XAB2: variants seen among roughly 807,000 people sequenced by gnomAD.
The protein encoded by XAB2 is XPA binding protein 2, also known as pre-mRNA-splicing factor SYF1.
XAB2 carries 57 observed loss-of-function variants against 113.4 expected under a neutral mutation model. That is an observed-to-expected ratio of 0.50 (90% CI 0.41 to 0.63). The LOEUF is 0.63. Ranked by LOEUF, XAB2 falls within the 20% of genes least tolerant of loss-of-function variation. XAB2 has a pLI of 0.00. For missense variants in XAB2, 1,037 were observed against 1,233.3 expected (o/e 0.84, Z 2.38); for synonymous variants, 497 against 498.8 (o/e 1.00, Z 0.05).
chr19:7,623,381 G>T lies in XAB2; in HGVS notation c.1120-92C>A. Reference sequence around the variant, plus strand: ...GTGGCTCTGAGGGGTGGGGCCTGGAGGGTGCTGTGGCCCCTGTCGGGAGAG... The same window carrying T: ...GTGGCTCTGAGGGGTGGGGCCTGGATGGTGCTGTGGCCCCTGTCGGGAGAG... On this transcript the variant is annotated intron_variant, in intron 8 of 18. Coordinates refer to ENST00000358368, the MANE Select transcript of XAB2 (RefSeq NM_020196.3). The surrounding 1 kb of genome is among the most constrained non-coding windows in gnomAD (Gnocchi z 4.6). 1 of 1,533,888 alleles carries T rather than the reference G, an allele frequency of 6.5e-7. No homozygotes were observed. Among genetic ancestry groups the T allele is most frequent in the Non-Finnish European group, 8.8e-7 (1 of 1,130,422 alleles).
rs767519811 is a variant in XAB2 at position 7,620,706 on chromosome 19, G to A, written c.1972-37C>T. The A allele has an allele frequency of 1.1e-5, 17 of 1,607,192 alleles. No homozygotes were observed. In the East Asian group the frequency reaches 1.1e-4, roughly 11 times the overall value. On this transcript the variant is annotated intron_variant, in intron 14 of 18. Coordinates refer to ENST00000358368, the MANE Select transcript of XAB2 (RefSeq NM_020196.3). ...GGTTGGGGAGGCCGGGAGTGAGGCC[G>A]GGGTAGCTCGGGGGCTCCCAACACA...
intron 9 of XAB2, 93 bp from the exon 10 acceptor site, chr19:7,622,986 A>G: frequency 6.4e-7 from 1 of 1,557,664 alleles, no homozygotes; most frequent in Non-Finnish European, 8.7e-7. Flanking sequence ...TCACAAACAT[A>G]CAGGCACAAA....
chr19:7,625,355 A>G lies in XAB2; in HGVS notation c.822+525T>C, dbSNP rs114194109. On this transcript the variant is annotated intron_variant, in intron 6 of 18. Transcript: ENST00000358368. This position sits in a 1 kb window ranked among gnomAD's most constrained non-coding sequence, Gnocchi z 5.2. ...CCAAGGCCGCAGAGCCAGAGGGTGA[A>G]CCCTGAACGCAAATGTGGCTGACTC... 9.5e-4 allele frequency among the ~76,000 whole-genome samples: 144 copies of G among 152,192 alleles called. No homozygotes were observed. The highest frequency in any genetic ancestry group is 3.3e-3 in the African/African-American group (136 of 41,518).
At chr19:7,626,592 C>G (rs973674729) in intron 4 of XAB2, among the ~76,000 whole-genome samples, 2 of 152,080 alleles carry the variant, frequency 1.3e-5, no homozygotes, top group Non-Finnish European at 1.5e-5. Context: ...GGTCCAGTCT[C>G]AGCCCCAATG....
Position 7,622,852 on chromosome 19 carries a change from C to G in XAB2, c.1281G>C (p.Lys427Asn), listed in dbSNP as rs747980944. 1 of 1,613,962 alleles carries G rather than the reference C, an allele frequency of 6.2e-7. No individual in the cohort carries two copies. The highest frequency in any genetic ancestry group is 8.5e-7 in the Non-Finnish European group (1 of 1,179,970). ...ILEKATKVNF[K>N]QVDDLASVWC... ...ACACGCTTGCCAGGTCATCCACCTG[C>G]TTGAAGTTCACCTTGGTGGCCTTCT... The change falls in exon 10 of 19, where the codon AAG becomes AAC. Residue 427 changes from lysine to asparagine, a missense_variant. By Grantham distance (94) the Lys-to-Asn change is moderately conservative (BLOSUM62 0). Transcript: ENST00000358368.
intron 12 of XAB2, chr19:7,621,605 G>C: frequency 2.3e-6 from 1 of 427,174 alleles, no homozygotes; most frequent in African/African-American, 2.0e-5. Context: ...TGTCCCCAGG[G>C]AGAAGGCCGC....
chr19:7,623,279 G>A lies in XAB2; in HGVS notation c.1130C>T (p.Thr377Ile). The stretch of plus-strand genomic sequence containing the variant: ...CACCGTCTGCACAGCCTCTGTGTAG[G>A]TGTTGATGATCTGGGGACAGGAGGG... ...HQGRPREIIN[T>I]YTEAVQTVDP... Residue 377 changes from threonine (T) to isoleucine (I), a missense_variant, in exon 9 of 19, where the codon ACC (threonine) becomes ATC (isoleucine). Transcript: ENST00000358368. This position sits in a 1 kb window ranked among gnomAD's most constrained non-coding sequence, Gnocchi z 4.6. The A allele has an allele frequency of 6.2e-7, 1 of 1,613,586 alleles. No homozygotes were observed.
rs867220821 is a variant in XAB2, at chr19:7,625,455, T to C, written c.822+425A>G. ...TAGTAATCGTGTGCAGGGATATGCA[T>C]GTCTGTCAAAAATGGCACTTTTTTT... On this transcript the variant is annotated intron_variant, in intron 6 of 18. Transcript: ENST00000358368. This position sits in a 1 kb window ranked among gnomAD's most constrained non-coding sequence, Gnocchi z 5.2. 6.0e-5 allele frequency among the ~76,000 whole-genome samples: 9 copies of C among 150,064 alleles called. No homozygotes were observed. The highest frequency in any genetic ancestry group is 1.3e-4 in the Non-Finnish European group (9 of 67,832).
In XAB2 at chr19:7,627,633, T is replaced by A; in HGVS notation, c.324+95A>T. On this transcript the variant is annotated intron_variant, in intron 3 of 18. Transcript: ENST00000358368. This position sits in a 1 kb window ranked among gnomAD's most constrained non-coding sequence, Gnocchi z 4.5. ...GAAGCAACAGGAATCCAAGCCCCCA[T>A]CCCTAACATGCTGAGCCCAGCCCCT... The A allele has an allele frequency of 7.0e-6, 11 of 1,568,566 alleles. No individual in the cohort carries two copies. The highest frequency in any genetic ancestry group is 1.2e-5 in the South Asian group (1 of 85,702).
At chr19:7,626,077 A>C (rs778247826) in intron 5 of XAB2, 33 bp from the exon 6 acceptor site, 1 of 1,610,032 alleles carries the variant, frequency 6.2e-7, no homozygotes, top group South Asian at 1.1e-5. Flanking sequence ...GGAGAGTCTC[A>C]GGCTCAGTCA....
rs751413778 is a variant in XAB2 at position 7,619,712 on chromosome 19, T to A, written c.2506+35A>T. On this transcript the variant is annotated intron_variant, in intron 18 of 18. Coordinates refer to ENST00000358368, the MANE Select transcript of XAB2 (RefSeq NM_020196.3). ...GCCTGTCCCCCGAGGCCCACCCTGG[T>A]AATGCCACCGTCCCCGCCCCAGCCG... 2.1e-5 allele frequency: 34 copies of A among 1,611,142 alleles called. No homozygotes were observed. In the East Asian group the frequency reaches 7.6e-4, roughly 36 times the overall value.
Position 7,628,400 on chromosome 19 carries a change from C to G in XAB2, c.52-102G>C, listed in dbSNP as rs1201011884. 1.4e-6 allele frequency: 2 copies of G among 1,434,300 alleles called. No homozygotes were observed. Among genetic ancestry groups the G allele is most frequent in the East Asian group, 2.4e-5 (1 of 42,256 alleles). The allele number at this position is 1,434,300 out of a possible 1,614,324, so 88.8% of individuals were successfully genotyped here. A position where few individuals can be genotyped will look rare whatever the true frequency, so the allele number is the denominator to read the frequency against. ...TCAGGTCCAAACTCCGGACTTTTAC[C>G]TAGATCCCACCACCCACCAAGGAAG... On this transcript the variant is annotated intron_variant, in intron 1 of 18. Transcript: ENST00000358368. This position sits in a 1 kb window ranked among gnomAD's most constrained non-coding sequence, Gnocchi z 4.6.
In XAB2 at chr19:7,625,099, C is replaced by T. The variant is rs1237133168; in HGVS notation, c.823-654G>A. Among the ~76,000 whole-genome samples the T allele has an allele frequency of 6.6e-6, 1 of 152,248 alleles. No individual in the cohort carries two copies. Among genetic ancestry groups the T allele is most frequent in the African/African-American group, 2.4e-5 (1 of 41,462 alleles). On this transcript the variant is annotated intron_variant, in intron 6 of 18. Coordinates refer to ENST00000358368, the MANE Select transcript of XAB2 (RefSeq NM_020196.3). The surrounding 1 kb of genome is among the most constrained non-coding windows in gnomAD (Gnocchi z 5.2). Reference sequence around the variant, plus strand: ...CTCCCAACCTATCTTCCCTGGGTTCCTGAGCCTCCCCGCTCTCGGCTCTGG... The same window carrying T: ...CTCCCAACCTATCTTCCCTGGGTTCTTGAGCCTCCCCGCTCTCGGCTCTGG...
intron 10 of XAB2, 44 bp downstream of exon 10, chr19:7,622,718 C>A (rs2146185566): frequency 6.2e-7 from 1 of 1,612,984 alleles, no homozygotes; most frequent in Non-Finnish European, 8.5e-7. Flanking sequence ...GGCCCTTGCC[C>A]TACAACCTGC....
At position 7,620,007 on chromosome 19, in the gene XAB2, G is replaced by C. The variant is rs760291429; in HGVS notation, c.2335C>G (p.Leu779Val). 6.2e-7 allele frequency: 1 copy of C among 1,612,508 alleles called. No individual in the cohort carries two copies. Among genetic ancestry groups the C allele is most frequent in the Non-Finnish European group, 8.5e-7 (1 of 1,179,984 alleles). The change falls in exon 17 of 19, where the codon CTG becomes GTG. Residue 779 changes from leucine (L) to valine (V), a missense_variant. By Grantham distance (32) the Leu-to-Val change is conservative. Coordinates refer to ENST00000358368, the MANE Select transcript of XAB2 (RefSeq NM_020196.3). ...TGGTCACGCTCCGCCTCAGCCGCCA[G>C]CTGCTCTGCCCGCTGTTCCAGCAGC... ...MKLLEQRAEQ[L>V]AAEAERDQPL...
chr19:7,625,405 G>A lies in XAB2; in HGVS notation c.822+475C>T, dbSNP rs1177588033. Among the ~76,000 whole-genome samples, 1 of 152,088 alleles carries A rather than the reference G, an allele frequency of 6.6e-6. No homozygotes were observed. Among genetic ancestry groups the A allele is most frequent in the South Asian group, 2.1e-4 (1 of 4,826 alleles). On this transcript the variant is annotated intron_variant, in intron 6 of 18. Coordinates refer to ENST00000358368, the MANE Select transcript of XAB2 (RefSeq NM_020196.3). The surrounding 1 kb of genome is among the most constrained non-coding windows in gnomAD (Gnocchi z 5.2). ...CCAAGGCTGACGTGCCTGCGGGCAG[G>A]AGTGCTCCCCCACCCTCAGCAGGAT... is the stretch of plus-strand genomic sequence containing the variant.
chr19:7,620,737 G>GCCAT, intron 14 of XAB2, 68 bp from the exon 15 acceptor site: 1 of 1,595,448 alleles, frequency 6.3e-7, no homozygotes, highest in Non-Finnish European at 8.6e-7. Context: ...ACACACCATG[G>GCCAT]CCATCCCTGT....
rs188788699 is a variant in XAB2, at chr19:7,623,596, A to G, written c.1119+135T>C. On this transcript the variant is annotated intron_variant, in intron 8 of 18. Coordinates refer to ENST00000358368, the MANE Select transcript of XAB2 (RefSeq NM_020196.3). This position sits in a 1 kb window ranked among gnomAD's most constrained non-coding sequence, Gnocchi z 4.6. Reference sequence around the variant, plus strand: ...GGGGCTCGGGCAGGAGGAGAACCCCAAGAACAGGGGTGGAATTGGACCTAC... The same window carrying G: ...GGGGCTCGGGCAGGAGGAGAACCCCGAGAACAGGGGTGGAATTGGACCTAC... The G allele has an allele frequency of 1.5e-6, 2 of 1,290,742 alleles. No individual in the cohort carries two copies. The highest frequency in any genetic ancestry group is 3.0e-5 in the African/African-American group (2 of 67,428). 80.0% of individuals were successfully genotyped at this position (1,290,742 alleles called of 1,614,324 possible).
Position 7,625,158 on chromosome 19 carries a change from CCT to C in XAB2, c.823-715_823-714del, listed in dbSNP as rs1034205705. ...GCACCCACCTGCCCCCAGGCCATCC[CCT>C]GAGCTTGCCACTCCACTGCCTGCCA... On this transcript the variant is annotated intron_variant, in intron 6 of 18. Transcript: ENST00000358368. This position sits in a 1 kb window ranked among gnomAD's most constrained non-coding sequence, Gnocchi z 5.2. Among the ~76,000 whole-genome samples, 2 of 152,218 alleles carry C rather than the reference CCT, an allele frequency of 1.3e-5. No homozygotes were observed. The highest frequency in any genetic ancestry group is 2.9e-5 in the Non-Finnish European group (2 of 68,028).
Sources: allele counts gnomAD v4.1 joint callset (sites outside exome capture counted in the v4.1 genomes callset), GRCh38; gene constraint gnomAD v4.1.1; non-coding constraint Gnocchi (gnomAD v3.1); transcripts MANE v1.5; gene names NCBI Gene and HGNC (gene_info 2026-07-23, HGNC 2026-07-21).